The following NLGN2 variants were observed in gnomAD, a reference collection of about 807,000 sequenced individuals.
NLGN2 encodes the protein neuroligin 2.
NLGN2 carries 11 observed loss-of-function variants against 48.6 expected under a neutral mutation model. The ratio of observed to expected loss-of-function variants is 0.23; its 90% CI spans 0.14 to 0.37. NLGN2 has a LOEUF of 0.37. Ranked by LOEUF, NLGN2 falls within the 10% of genes least tolerant of loss-of-function variation. The pLI is 1.00. For synonymous variants in NLGN2, 548 were observed against 550.0 expected, an observed-to-expected ratio of 1.00 and a Z score of 0.05; for missense variants, 801 against 1,225.2, an observed-to-expected ratio of 0.65 and a Z score of 5.17.
intron 1 of NLGN2, among the ~76,000 whole-genome samples, chr17:7,410,723 A>G (rs1008808343): frequency 6.6e-5 from 10 of 152,072 alleles, no homozygotes; most frequent in Non-Finnish European, 1.2e-4. Flanking sequence ...ATTTTTAGCC[A>G]CTGCTGATTG....
At position 7,417,218 on chromosome 17, in the gene NLGN2, C is replaced by T. The variant is rs781477951; in HGVS notation, c.1927C>T (p.Pro643Ser). Residue 643 changes from proline to serine, a missense_variant, in exon 7 of 7, where the codon CCC becomes TCC. By Grantham distance (74) the Pro-to-Ser change is moderately conservative. Around this residue, in one of 5 missense-constraint regions of NLGN2, gnomAD observed 276 missense variants for 313.9 expected, o/e 0.88. Coordinates refer to ENST00000302926, the MANE Select transcript of NLGN2 (RefSeq NM_020795.4). Reference protein sequence around the residue: ...PPAGAPGTRRPPPPATLPPEP... With the variant: ...PPAGAPGTRRSPPPATLPPEP... ...CGCTGGCGCCCCGGGCACACGCCGG[C>T]CCCCGCCGCCTGCCACCCTGCCTCC... 183 of 1,535,450 alleles carry T rather than the reference C, an allele frequency of 1.2e-4. No individual in the cohort carries two copies. The highest frequency in any genetic ancestry group is 1.5e-4 in the Non-Finnish European group (177 of 1,144,460).
upstream of NLGN2, among the ~76,000 whole-genome samples, chr17:7,407,674 A>T (rs565528388): frequency 5.3e-5 from 8 of 152,092 alleles, no homozygotes; most frequent in East Asian, 1.5e-3. Flanking sequence ...GGGATACATC[A>T]GCTGGAAGGG....
At position 7,411,006 on chromosome 17, in the gene NLGN2, G is replaced by A. The variant is rs1328538201; in HGVS notation, c.458-1151G>A. Among the ~76,000 whole-genome samples the A allele has an allele frequency of 2.0e-5, 3 of 152,174 alleles. No individual in the cohort carries two copies. The highest frequency in any genetic ancestry group is 2.1e-4 in the South Asian group (1 of 4,834). ...TGACCCATCCTTGGCCTTGACCCAC[G>A]TGCCAGTCCCTGTGCCATTGAGGAA... On this transcript the variant is annotated intron_variant, in intron 1 of 6. Transcript: ENST00000302926. This position sits in a 1 kb window ranked among gnomAD's most constrained non-coding sequence, Gnocchi z 4.5.
In NLGN2 at chr17:7,418,024, T is replaced by TC. The variant is rs1019074530; in HGVS notation, c.*232dup. The TC allele has an allele frequency of 2.6e-5, 9 of 340,356 alleles. No homozygotes were observed. Among genetic ancestry groups the TC allele is most frequent in the Non-Finnish European group, 1.1e-5 (2 of 189,244 alleles). The allele number at this position is 340,356 out of a possible 1,614,324, so 21.1% of individuals were successfully genotyped here. On this transcript the variant is annotated 3_prime_UTR_variant, in exon 7 of 7. Transcript: ENST00000302926. ...CTTTGAACAACTGGGGGGCGTTTTCTCCCCCCCATTGGGACACCAGTCTTC... is the reference window on the plus strand; with the variant it reads ...CTTTGAACAACTGGGGGGCGTTTTCTCCCCCCCCATTGGGACACCAGTCTTC...
At chr17:7,407,090 G>T (rs921257075), upstream of NLGN2, among the ~76,000 whole-genome samples, 1 of 152,032 alleles carries the variant, frequency 6.6e-6, no homozygotes, top group Admixed American at 6.5e-5. Context: ...CTATGTTAAG[G>T]TTGGGGGGAA....
At chr17:7,409,893 T>C (rs574992799) in intron 1 of NLGN2, among the ~76,000 whole-genome samples, 1 of 152,098 alleles carries the variant, frequency 6.6e-6, no homozygotes, top group South Asian at 2.1e-4. Context: ...TCTCTGAAAC[T>C]ATGTACCATG....
rs550512885 is a variant in NLGN2, at chr17:7,413,062, C to G, written c.508+855C>G. 2.3e-4 allele frequency among the ~76,000 whole-genome samples: 35 copies of G among 152,254 alleles called. No individual in the cohort carries two copies. Among genetic ancestry groups the G allele is most frequent in the Non-Finnish European group, 4.3e-4 (29 of 68,022 alleles). The stretch of plus-strand genomic sequence containing the variant: ...AGAACTGAGGACAATTAGGACAGGA[C>G]CTTGGAGGGAAGGAGATTCCGGCCT... On this transcript the variant is annotated intron_variant, in intron 2 of 6. Transcript: ENST00000302926. The surrounding 1 kb of genome is among the most constrained non-coding windows in gnomAD (Gnocchi z 4.9).
In NLGN2 at chr17:7,414,284, G is replaced by T. The variant is rs571448109; in HGVS notation, c.509-60G>T. ...CTGGGAGCTGGGCGCTGCTGCTTCC[G>T]GTCTGACTGTGTCCTTGTCCCTGAC... On this transcript the variant is annotated intron_variant, in intron 2 of 6. Coordinates refer to ENST00000302926, the MANE Select transcript of NLGN2 (RefSeq NM_020795.4). 5.2e-6 allele frequency: 8 copies of T among 1,532,014 alleles called. No individual in the cohort carries two copies. The African/African-American group carries it at 6.9e-5, about 13-fold the overall frequency. The allele number at this position is 1,532,014 out of a possible 1,614,324, so 94.9% of individuals were successfully genotyped here.
In NLGN2 at chr17:7,408,454, G is replaced by T. The variant is rs1428906607; in HGVS notation, c.199G>T (p.Val67Leu). 1 of 1,564,124 alleles carries T rather than the reference G, an allele frequency of 6.4e-7. No individual in the cohort carries two copies. The change falls in exon 1 of 7, where the codon GTG (valine) becomes TTG (leucine). Residue 67 changes from valine to leucine, a missense_variant. Coordinates refer to ENST00000302926, the MANE Select transcript of NLGN2 (RefSeq NM_020795.4). The surrounding 1 kb of genome is among the most constrained non-coding windows in gnomAD (Gnocchi z 7.5). Reference sequence around the variant, plus strand: ...CAACAACGAGATCCTGGGCCCCGTCGTGCAGTTCTTGGGCGTGCCCTACGC... The same window carrying T: ...CAACAACGAGATCCTGGGCCCCGTCTTGCAGTTCTTGGGCGTGCCCTACGC... ...ELNNEILGPV[V>L]QFLGVPYATP...
chr17:7,408,486 G>T lies in NLGN2; in HGVS notation c.231G>T (p.Pro77=), dbSNP rs1228150410. The T allele has an allele frequency of 1.3e-6, 2 of 1,487,664 alleles. No individual in the cohort carries two copies. Among genetic ancestry groups the T allele is most frequent in the Non-Finnish European group, 1.8e-6 (2 of 1,122,382 alleles). 92.2% of individuals were successfully genotyped at this position (1,487,664 alleles called of 1,614,324 possible). Residue 77 remains proline, a synonymous_variant, in exon 1 of 7, where the codon CCG becomes CCT. Transcript: ENST00000302926. The surrounding 1 kb of genome is among the most constrained non-coding windows in gnomAD (Gnocchi z 7.5). ...TCTTGGGCGTGCCCTACGCCACGCC[G>T]CCCCTGGGCGCCCGCCGCTTCCAGC... ...VQFLGVPYAT[P]PLGARRFQPP...
chr17:7,417,031 T>C lies in NLGN2; in HGVS notation c.1740T>C (p.Tyr580=), dbSNP rs1320668611. The stretch of plus-strand genomic sequence containing the variant: ...AATTCAACAGCAAGGAGAAGCAGTA[T>C]CTGCACATAGGCCTGAAGCCACGCG... ...WSKFNSKEKQ[Y]LHIGLKPRVR... is the part of the protein sequence containing the mutation. The change falls in exon 7 of 7, where the codon TAT becomes TAC. Residue 580 remains tyrosine (Y), a synonymous_variant. Coordinates refer to ENST00000302926, the MANE Select transcript of NLGN2 (RefSeq NM_020795.4). The C allele has an allele frequency of 9.3e-6, 15 of 1,614,184 alleles. No individual in the cohort carries two copies. Among genetic ancestry groups the C allele is most frequent in the Non-Finnish European group, 1.2e-5 (14 of 1,180,030 alleles).
Position 7,415,656 on chromosome 17 carries a change from G to A in NLGN2, c.1183G>A (p.Ala395Thr). The A allele has an allele frequency of 6.2e-7, 1 of 1,614,250 alleles. No individual in the cohort carries two copies. Among genetic ancestry groups the A allele is most frequent in the Non-Finnish European group, 8.5e-7 (1 of 1,180,040 alleles). Reference sequence around the variant, plus strand: ...GGGCCTCAAGTTCGTGGAGGACTCTGCAGAGAGCGAGGACGGTGTGTCTGC... The same window carrying A: ...GGGCCTCAAGTTCGTGGAGGACTCTACAGAGAGCGAGGACGGTGTGTCTGC... ...GEGLKFVEDS[A>T]ESEDGVSASA... Residue 395 changes from alanine (A) to threonine (T), a missense_variant, in exon 6 of 7, where the codon GCA (alanine) becomes ACA (threonine). Around this residue, in one of 5 missense-constraint regions of NLGN2, gnomAD observed 303 missense variants for 600.1 expected, o/e 0.50. Coordinates refer to ENST00000302926, the MANE Select transcript of NLGN2 (RefSeq NM_020795.4).
chr17:7,407,194 C>T (rs772268662), upstream of NLGN2, among the ~76,000 whole-genome samples: 2 of 152,196 alleles, frequency 1.3e-5, no homozygotes, highest in African/African-American at 4.8e-5. Flanking sequence ...CTCCAGAACC[C>T]CCCTCCAGGG....
chr17:7,416,849 C>T (rs1907119902), intron 6 of NLGN2, 77 bp from the exon 7 acceptor site: 1 of 1,548,054 alleles, frequency 6.5e-7, no homozygotes, highest in Non-Finnish European at 8.8e-7. Context: ...CTCTGTCTGT[C>T]TCCCTGCCCA....
upstream of NLGN2, among the ~76,000 whole-genome samples, chr17:7,404,653 G>C (rs939437370): frequency 1.3e-5 from 2 of 150,456 alleles, no homozygotes; most frequent in Non-Finnish European, 1.5e-5. Flanking sequence ...CCAGCCCTCC[G>C]AGACCGCGAG....
chr17:7,412,052 C>CCTTTT, intron 1 of NLGN2, 105 bp from the exon 2 acceptor site: 1 of 501,682 alleles, frequency 2.0e-6, no homozygotes, highest in Non-Finnish European at 3.7e-6. Context: ...CCACCCTCCC[C>CCTTTT]TTTTCTGCTT....
In NLGN2 at chr17:7,417,912, A is replaced by G; in HGVS notation, c.*113A>G. The G allele has an allele frequency of 1.0e-6, 1 of 991,870 alleles. No homozygotes were observed. The allele number at this position is 991,870 out of a possible 1,614,324, so 61.4% of individuals were successfully genotyped here. A position where few individuals can be genotyped will look rare whatever the true frequency, so the allele number is the denominator to read the frequency against. On this transcript the variant is annotated 3_prime_UTR_variant, in exon 7 of 7. Coordinates refer to ENST00000302926, the MANE Select transcript of NLGN2 (RefSeq NM_020795.4). ...CCTGTGGAGTCGTCACACGCCATCC[A>G]GCAGCGCTAAGGTGGACATGGGATT...
chr17:7,409,339 G>C (rs1469839515), intron 1 of NLGN2, among the ~76,000 whole-genome samples: 1 of 152,050 alleles, frequency 6.6e-6, no homozygotes, highest in Non-Finnish European at 1.5e-5. Flanking sequence ...CTGAGGGCCA[G>C]CACAGCCCAC....
upstream of NLGN2, among the ~76,000 whole-genome samples, chr17:7,406,531 G>A (rs1004109938): frequency 6.6e-6 from 1 of 152,014 alleles, no homozygotes; most frequent in African/African-American, 2.4e-5. Flanking sequence ...GGGTGTGTGT[G>A]GTAAGGATTC....
Sources: gnomAD v4.1 joint callset for allele counts (sites outside exome capture counted in the v4.1 genomes callset) on GRCh38, gnomAD v4.1.1 for gene constraint, gnomAD v4.1.1 regional missense constraint, Gnocchi (gnomAD v3.1) non-coding constraint, MANE v1.5 for transcripts, NCBI Gene and HGNC (gene_info 2026-07-23, HGNC 2026-07-21) for gene names.